The following PARD3B variants were observed in gnomAD, a reference collection of about 807,000 sequenced individuals.
The protein encoded by PARD3B is partitioning defective 3 homolog B.
Under a neutral mutation model 130.2 loss-of-function variants are expected in PARD3B, and 103 were observed. The ratio of observed to expected loss-of-function variants is 0.79; its 90% CI spans 0.67 to 0.93. The LOEUF is 0.93. PARD3B is among the 40% of genes least tolerant of loss of function. PARD3B has a pLI of 0.00. For missense variants in PARD3B, 1,609 were observed against 1,499.2 expected, an observed-to-expected ratio of 1.07 and a Z score of -1.21; for synonymous variants, 583 against 553.2, an observed-to-expected ratio of 1.05 and a Z score of -0.76.
chr2:205,595,355 C>T (rs1391356604), intron 22 of PARD3B, among the ~76,000 whole-genome samples: 1 of 152,182 alleles, frequency 6.6e-6, no homozygotes, highest in East Asian at 1.9e-4. Flanking sequence ...GTTCAAAAAC[C>T]AGCTGGCATG....
At chr2:204,853,024 TTTAA>T (rs1193219180) in intron 2 of PARD3B, among the ~76,000 whole-genome samples, 10 of 152,314 alleles carry the variant, frequency 6.6e-5, no homozygotes, top group East Asian at 3.9e-4. Context: ...CATTGGATTG[TTTAA>T]TTAGTTATCA....
chr2:205,489,551 T>TATATACATATATATAC (rs1553524259), intron 20 of PARD3B, among the ~76,000 whole-genome samples: 3 of 138,492 alleles, frequency 2.2e-5, no homozygotes, highest in African/African-American at 2.7e-5. Flanking sequence ...TATATATGTA[T>TATATACATATATATAC]ATATATACAT....
intron 2 of PARD3B, among the ~76,000 whole-genome samples, chr2:204,739,622 T>C: frequency 6.6e-6 from 1 of 151,936 alleles, no homozygotes; most frequent in South Asian, 2.1e-4. Context: ...ACCTGGCTAA[T>C]GTTTTTGTTT....
rs538366914 is a variant in PARD3B at position 204,670,001 on chromosome 2, A to G, written c.121-16180A>G. 3.3e-5 allele frequency among the ~76,000 whole-genome samples: 5 copies of G among 152,314 alleles called. No individual in the cohort carries two copies. The East Asian group carries it at 9.7e-4, about 29-fold the overall frequency. On this transcript the variant is annotated intron_variant, in intron 1 of 22. Transcript: ENST00000406610. ...CCATGAATGATTTCAGAAAGTCAAA[A>G]GATGATTCTGAAGTTGAACGGTTGG...
rs772657817 is a variant in PARD3B at position 205,320,482 on chromosome 2, C to G, written c.2630+18781C>G. 6.8e-4 allele frequency among the ~76,000 whole-genome samples: 104 copies of G among 152,156 alleles called. 2 individuals carry two copies. The highest frequency in any genetic ancestry group is 7.3e-5 in the Non-Finnish European group (5 of 68,038). ...ATGTTTTATTCCATAAGAGACGTAT[C>G]AGCACATAGGGAAATAGTGGTAGGT... On this transcript the variant is annotated intron_variant, in intron 18 of 22. Transcript: ENST00000406610.
intron 2 of PARD3B, among the ~76,000 whole-genome samples, chr2:204,719,728 A>G (rs967158087): frequency 6.6e-6 from 1 of 152,204 alleles, no homozygotes; most frequent in Admixed American, 6.5e-5. Flanking sequence ...TTTTTTTATA[A>G]CCTTGAATTT....
intron 21 of PARD3B, among the ~76,000 whole-genome samples, chr2:205,538,129 C>T (rs1234196065): frequency 2.0e-5 from 3 of 152,190 alleles, no homozygotes; most frequent in Non-Finnish European, 2.9e-5. Context: ...CCTCAAAGCA[C>T]TGATGATCCA....
At chr2:204,599,541 A>T (rs1441700459) in intron 1 of PARD3B, among the ~76,000 whole-genome samples, 1 of 151,994 alleles carries the variant, frequency 6.6e-6, no homozygotes, top group Non-Finnish European at 1.5e-5. Flanking sequence ...ATGGCTTAAT[A>T]ATATTCCATT....
Position 205,615,961 on chromosome 2 carries a change from A to T in PARD3B, c.*148A>T. On this transcript the variant is annotated 3_prime_UTR_variant, in exon 23 of 23. Transcript: ENST00000406610. ...ACTGACATTGTAACGCATGACTGCT[A>T]ATCAGAGAGAAAAAGAAGGGGAAGG... 1.5e-6 allele frequency: 1 copy of T among 681,926 alleles called. No homozygotes were observed. Among genetic ancestry groups the T allele is most frequent in the Non-Finnish European group, 2.4e-6 (1 of 414,076 alleles). 42.2% of individuals were successfully genotyped at this position (681,926 alleles called of 1,614,324 possible).
At chr2:205,250,420 C>A (rs1324794401) in intron 16 of PARD3B, among the ~76,000 whole-genome samples, 1 of 152,060 alleles carries the variant, frequency 6.6e-6, no homozygotes, top group Non-Finnish European at 1.5e-5. Flanking sequence ...GTTTTAATTT[C>A]TTATATTCTC....
chr2:205,163,910 C>G (rs185804282), intron 11 of PARD3B, among the ~76,000 whole-genome samples: 2 of 152,264 alleles, frequency 1.3e-5, no homozygotes, highest in East Asian at 3.9e-4. Context: ...GTGGGAGAAC[C>G]TTGAGGATCC....
intron 11 of PARD3B, among the ~76,000 whole-genome samples, chr2:205,171,717 CTGTTCAGTAGAGCTAGCAA>C (rs1044011630): frequency 6.6e-4 from 100 of 152,126 alleles, no homozygotes; most frequent in East Asian, 5.8e-4. Context: ...TTTTTTAGTA[CTGTTCAGTAGAGCTAGCAA>C]TGATATCAGG....
rs78016092 is a variant in PARD3B at position 205,564,598 on chromosome 2, G to A, written c.3260+11195G>A. ...CATCCTTAGGGGACATGGCTGAGAC[G>A]CAAATGCCAGACAACTGCGGAAGCA... is the stretch of plus-strand genomic sequence containing the variant. On this transcript the variant is annotated intron_variant, in intron 22 of 22. Coordinates refer to ENST00000406610, the MANE Select transcript of PARD3B (RefSeq NM_001302769.2). The surrounding 1 kb of genome is among the most constrained non-coding windows in gnomAD (Gnocchi z 4.6). Among the ~76,000 whole-genome samples the A allele has an allele frequency of 0.053, 8,087 of 152,204 alleles. 300 individuals carry two copies. Among genetic ancestry groups the A allele is most frequent in the South Asian group, 0.1 (492 of 4,820 alleles).
intron 21 of PARD3B, among the ~76,000 whole-genome samples, chr2:205,502,708 C>T (rs145007072): frequency 1.4e-3 from 211 of 152,082 alleles, no homozygotes; most frequent in African/African-American, 5.0e-3. Flanking sequence ...TCAAAATAGG[C>T]TAGCAAGAAT....
intron 2 of PARD3B, among the ~76,000 whole-genome samples, chr2:204,840,652 C>A (rs961621256): frequency 1.3e-5 from 2 of 151,922 alleles, no homozygotes; most frequent in East Asian, 3.9e-4. Context: ...GAGGCAAATA[C>A]GTGTGGTTGT....
At chr2:204,941,775 T>G (rs1404834270) in intron 2 of PARD3B, among the ~76,000 whole-genome samples, 2 of 152,178 alleles carry the variant, frequency 1.3e-5, no homozygotes, top group Non-Finnish European at 2.9e-5. Context: ...AATTTGTGTT[T>G]CCTTGAAAAC....
At chr2:205,415,832 A>G (rs568471583) in intron 19 of PARD3B, among the ~76,000 whole-genome samples, 1 of 152,312 alleles carries the variant, frequency 6.6e-6, no homozygotes, top group Non-Finnish European at 1.5e-5. Context: ...CTCTGAGGAG[A>G]AACACATTTT....
chr2:205,018,196 A>G (rs1402921331), intron 3 of PARD3B, among the ~76,000 whole-genome samples: 2 of 152,172 alleles, frequency 1.3e-5, no homozygotes, highest in Non-Finnish European at 2.9e-5. Flanking sequence ...TCAGATCATT[A>G]AATCTGGAAA....
At chr2:205,466,088 T>C (rs1460656423) in intron 20 of PARD3B, among the ~76,000 whole-genome samples, 1 of 152,066 alleles carries the variant, frequency 6.6e-6, no homozygotes, top group Non-Finnish European at 1.5e-5. Context: ...ATGCCAGGGG[T>C]CTGGGATGGG....
Sources: gnomAD v4.1 joint callset for allele counts (sites outside exome capture counted in the v4.1 genomes callset) on GRCh38, gnomAD v4.1.1 for gene constraint, Gnocchi (gnomAD v3.1) non-coding constraint, MANE v1.5 for transcripts, NCBI Gene and HGNC (gene_info 2026-07-23, HGNC 2026-07-21) for gene names.